MAGI1: variants seen among roughly 807,000 people sequenced by gnomAD.
MAGI1 encodes membrane associated guanylate kinase, WW and PDZ domain containing 1, also known as membrane-associated guanylate kinase, WW and PDZ domain-containing protein 1.
Under a neutral mutation model 139.9 loss-of-function variants are expected in MAGI1, and 58 were observed. That is an observed-to-expected ratio of 0.41 (90% CI 0.34 to 0.52). The LOEUF is 0.52. MAGI1 is among the 20% of genes least tolerant of loss of function. The pLI is 0.12. For missense variants in MAGI1, 1,874 were observed against 1,901.6 expected (o/e 0.99, Z 0.27); for synonymous variants, 812 against 737.9 (o/e 1.10, Z -1.63).
intron 1 of MAGI1, among the ~76,000 whole-genome samples, chr3:65,719,208 T>G (rs1559817170): frequency 6.6e-6 from 1 of 151,860 alleles, no homozygotes; most frequent in East Asian, 1.9e-4. Flanking sequence ...ACCAAGACAC[T>G]GCTATAGATT....
At position 65,884,579 on chromosome 3, in the gene MAGI1, C is replaced by T. The variant is rs1575840832; in HGVS notation, c.313+153417G>A. 3.9e-5 allele frequency among the ~76,000 whole-genome samples: 6 copies of T among 152,222 alleles called. No homozygotes were observed. In the East Asian group the frequency reaches 7.7e-4, roughly 20 times the overall value. On this transcript the variant is annotated intron_variant, in intron 1 of 22. Coordinates refer to ENST00000402939, the MANE Select transcript of MAGI1 (RefSeq NM_001033057.2). ...ACAACTAATTTTGCTATCAAATGAA[C>T]AAAGATTTTCTTTTCTTTTTTCTTT...
chr3:65,785,959 C>T (rs895630105), intron 1 of MAGI1, among the ~76,000 whole-genome samples: 28 of 148,824 alleles, frequency 1.9e-4, no homozygotes, highest in Non-Finnish European at 3.1e-4. Flanking sequence ...TTTCTTGAAA[C>T]GGAGTCTCGC....
At chr3:65,941,464 C>T (rs1451897259) in intron 1 of MAGI1, among the ~76,000 whole-genome samples, 3 of 152,158 alleles carry the variant, frequency 2.0e-5, no homozygotes, top group African/African-American at 2.4e-5. Context: ...TGACATTTGG[C>T]GCTAGTTATT....
chr3:66,030,915 C>G (rs114277204), intron 1 of MAGI1, among the ~76,000 whole-genome samples: 1 of 152,172 alleles, frequency 6.6e-6, no homozygotes, highest in East Asian at 1.9e-4. Flanking sequence ...TACATGCCTT[C>G]GGAAAAGTTG....
At chr3:65,376,900 A>T (rs139651477) in intron 17 of MAGI1, among the ~76,000 whole-genome samples, 1 of 152,320 alleles carries the variant, frequency 6.6e-6, no homozygotes, top group African/African-American at 2.4e-5. Context: ...TGTCATTGCT[A>T]ACTTCTAGAG....
chr3:65,604,052 T>G (rs76784340), intron 2 of MAGI1, among the ~76,000 whole-genome samples: 1 of 152,216 alleles, frequency 6.6e-6, no homozygotes, highest in Non-Finnish European at 1.5e-5. Flanking sequence ...TATAGCACTT[T>G]GTAATTTTCA....
chr3:65,639,989 CAAA>C (rs10576734), intron 1 of MAGI1, among the ~76,000 whole-genome samples: 8 of 136,270 alleles, frequency 5.9e-5, no homozygotes, highest in African/African-American at 1.8e-4. Context: ...AACTCCGTCT[CAAA>C]AAAAAAAAAA....
At chr3:66,027,996 C>T (rs1216440958) in intron 1 of MAGI1, among the ~76,000 whole-genome samples, 2 of 152,206 alleles carry the variant, frequency 1.3e-5, no homozygotes, top group African/African-American at 4.8e-5. Context: ...GACGTACCTC[C>T]ATTTCTCAGC....
rs535376324 is a variant in MAGI1, at chr3:65,836,245, A to C, written c.313+201751T>G. Among the ~76,000 whole-genome samples the C allele has an allele frequency of 2.2e-4, 34 of 152,148 alleles. 2 individuals are homozygous for C. Among genetic ancestry groups the C allele is most frequent in the African/African-American group, 7.9e-4 (33 of 41,540 alleles). ...ATGTCATCATTGCAAAATGTGAATA[A>C]TTTGCTCCATGAACACATGCAAGAT... On this transcript the variant is annotated intron_variant, in intron 1 of 22. Transcript: ENST00000402939.
intron 1 of MAGI1, among the ~76,000 whole-genome samples, chr3:65,797,938 C>T (rs558445038): frequency 2.3e-4 from 35 of 152,212 alleles, no homozygotes; most frequent in Non-Finnish European, 4.4e-4. Context: ...GGCATTACAG[C>T]TATGGAGCAA....
chr3:65,628,413 C>T (rs777502975), intron 1 of MAGI1, among the ~76,000 whole-genome samples: 1 of 152,106 alleles, frequency 6.6e-6, no homozygotes, highest in African/African-American at 2.4e-5. Flanking sequence ...CAGAGAAAAT[C>T]GGGTGTAAGT....
chr3:66,028,372 A>G (rs1488369387), intron 1 of MAGI1, among the ~76,000 whole-genome samples: 1 of 152,108 alleles, frequency 6.6e-6, no homozygotes, highest in Non-Finnish European at 1.5e-5. Context: ...CCTTACAACC[A>G]CTTTATGACA....
chr3:65,422,416 G>C (rs58751909), intron 12 of MAGI1, among the ~76,000 whole-genome samples: 1 of 152,102 alleles, frequency 6.6e-6, no homozygotes, highest in Non-Finnish European at 1.5e-5. Context: ...ACAGACCCGG[G>C]TTCAGAGTCA....
chr3:65,890,051 G>C (rs993785106), intron 1 of MAGI1, among the ~76,000 whole-genome samples: 17 of 152,232 alleles, frequency 1.1e-4, no homozygotes, highest in African/African-American at 4.1e-4. Flanking sequence ...CCAGTTTTTA[G>C]CTCCAGATGA....
rs377474846 is a variant in MAGI1, at chr3:65,379,331, G to A, written c.2925C>T (p.Arg975=). 428 of 1,613,034 alleles carry A rather than the reference G, an allele frequency of 2.7e-4. No individual in the cohort carries two copies. Among genetic ancestry groups the A allele is most frequent in the Non-Finnish European group, 3.5e-4 (414 of 1,179,614 alleles). ...CGAAGCCGAAGCCCTCGTTCTCCCC[G>A]CGCCGGATCTCCACGTCGTAGGGCT... is the stretch of plus-strand genomic sequence containing the variant. ...VVQPYDVEIR[R]GENEGFGFVI... is the part of the protein sequence containing the mutation. Residue 975 remains arginine, a synonymous_variant, in exon 17 of 23, where the codon CGC becomes CGT. Transcript: ENST00000402939.
intron 1 of MAGI1, among the ~76,000 whole-genome samples, chr3:65,644,384 T>C (rs2085143619): frequency 7.6e-6 from 1 of 132,176 alleles, no homozygotes. Context: ...TGAACACACT[T>C]GAAACAAACA....
chr3:65,969,918 T>C (rs1031978652), intron 1 of MAGI1, among the ~76,000 whole-genome samples: 2 of 152,190 alleles, frequency 1.3e-5, no homozygotes, highest in Non-Finnish European at 2.9e-5. Flanking sequence ...TAAGCTCCTT[T>C]AGAACAGTTG....
intron 2 of MAGI1, among the ~76,000 whole-genome samples, chr3:65,575,832 T>C (rs767602984): frequency 2.5e-4 from 38 of 152,182 alleles, no homozygotes; most frequent in Non-Finnish European, 4.3e-4. Flanking sequence ...CATGATTACA[T>C]TCACATATAA....
chr3:65,912,570 A>T (rs763220751), intron 1 of MAGI1, among the ~76,000 whole-genome samples: 2 of 152,254 alleles, frequency 1.3e-5, no homozygotes, highest in African/African-American at 4.8e-5. Context: ...AAGTAGGATT[A>T]GTTTGGAAAA....
Sources: allele counts gnomAD v4.1 joint callset (sites outside exome capture counted in the v4.1 genomes callset), GRCh38; gene constraint gnomAD v4.1.1; transcripts MANE v1.5; gene names NCBI Gene and HGNC (gene_info 2026-07-23, HGNC 2026-07-21).